DCLK2: variants seen among roughly 807,000 people sequenced by gnomAD.
DCLK2 encodes doublecortin like kinase 2, also known as serine/threonine-protein kinase DCLK2.
DCLK2 carries 31 observed loss-of-function variants against 78.4 expected under a neutral mutation model. That is an observed-to-expected ratio of 0.40 (90% CI 0.30 to 0.53). DCLK2 has a LOEUF of 0.53. DCLK2 is among the 20% of genes least tolerant of loss of function. DCLK2 has a pLI of 0.61. For synonymous variants in DCLK2, 407 were observed against 374.9 expected (o/e 1.09, Z -0.99); for missense variants, 872 against 973.7 (o/e 0.90, Z 1.39).
chr4:150,240,769 GAAAA>G (rs34362156), intron 12 of DCLK2, among the ~76,000 whole-genome samples: 10 of 136,900 alleles, frequency 7.3e-5, no homozygotes, highest in African/African-American at 2.7e-4. Context: ...AAAAGAAAAA[GAAAA>G]AAAAAAATCA....
At chr4:150,085,421 G>A (rs774619840) in intron 1 of DCLK2, among the ~76,000 whole-genome samples, 5 of 152,110 alleles carry the variant, frequency 3.3e-5, no homozygotes, top group Admixed American at 6.5e-5. Context: ...GAAAGCAAAC[G>A]TAGGATATAT....
At position 150,256,934 on chromosome 4, in the gene DCLK2, C is replaced by T. The variant is rs1744610176; in HGVS notation, c.*687C>T. On this transcript the variant is annotated 3_prime_UTR_variant, in exon 16 of 16. Coordinates refer to ENST00000296550, the MANE Select transcript of DCLK2 (RefSeq NM_001040260.4). ...ACAATGCTCAGTATTCATTCATACACAGACGATGGAAGAAGCCACTTCTTC... is the reference window on the plus strand; with the variant it reads ...ACAATGCTCAGTATTCATTCATACATAGACGATGGAAGAAGCCACTTCTTC... The T allele has an allele frequency of 1.3e-5, 2 of 152,276 alleles. No individual in the cohort carries two copies. 9.4% of individuals were successfully genotyped at this position (152,276 alleles called of 1,614,324 possible). A position where few individuals can be genotyped will look rare whatever the true frequency, so the allele number is the denominator to read the frequency against.
chr4:150,083,103 G>A (rs1580464671), intron 1 of DCLK2, among the ~76,000 whole-genome samples: 1 of 152,132 alleles, frequency 6.6e-6, no homozygotes, highest in Admixed American at 6.5e-5. Context: ...TATCTGAGGG[G>A]TTATTGTTGG....
intron 1 of DCLK2, among the ~76,000 whole-genome samples, chr4:150,086,938 A>G (rs1036562612): frequency 6.6e-6 from 1 of 152,180 alleles, no homozygotes; most frequent in African/African-American, 2.4e-5. Flanking sequence ...CATCTTTAGC[A>G]TTCTCATTTT....
Position 150,236,138 on chromosome 4 carries a change from C to T in DCLK2, c.1566+3310C>T, listed in dbSNP as rs535182804. Among the ~76,000 whole-genome samples the T allele has an allele frequency of 5.3e-5, 8 of 152,274 alleles. No individual in the cohort carries two copies. The East Asian group carries it at 1.2e-3, about 22-fold the overall frequency. On this transcript the variant is annotated intron_variant, in intron 10 of 15. Transcript: ENST00000296550. ...TTTTGTATGTGGGATCTGCATTCCT[C>T]GCATTTTTTATTTTTGCATTCTGAG...
At chr4:150,228,375 C>T (rs983813440) in intron 8 of DCLK2, among the ~76,000 whole-genome samples, 18 of 152,154 alleles carry the variant, frequency 1.2e-4, no homozygotes, top group South Asian at 6.2e-4. Flanking sequence ...CAGTGTGCTC[C>T]GAGCAACACA....
chr4:150,112,895 C>T (rs1475071605), intron 2 of DCLK2, among the ~76,000 whole-genome samples: 1 of 143,050 alleles, frequency 7.0e-6, no homozygotes, highest in Non-Finnish European at 1.5e-5. Context: ...ACTGCAACCA[C>T]TGCCTCCTGG....
chr4:150,079,040 A>G lies in DCLK2; in HGVS notation c.13A>G (p.Arg5Gly), dbSNP rs1338911711. The change falls in exon 1 of 16, where the codon AGG becomes GGG. Residue 5 changes from arginine to glycine, a missense_variant. Arg to Gly is a moderately radical substitution (Grantham distance 125). Around this residue, in one of 3 missense-constraint regions of DCLK2, gnomAD observed 567 missense variants for 593.4 expected, o/e 0.96. Coordinates refer to ENST00000296550, the MANE Select transcript of DCLK2 (RefSeq NM_001040260.4). MASTRSIELEHFEER... is the reference protein window; with the variant it reads MASTGSIELEHFEER... ...CGGAGCAGCCGCGATGGCCAGCACC[A>G]GGAGTATCGAGCTGGAGCACTTTGA... The G allele has an allele frequency of 7.1e-6, 11 of 1,541,432 alleles. No homozygotes were observed. The African/African-American group carries it at 8.3e-5, about 12-fold the overall frequency.
intron 2 of DCLK2, among the ~76,000 whole-genome samples, chr4:150,163,292 G>C (rs1314286380): frequency 6.6e-6 from 1 of 152,218 alleles, no homozygotes; most frequent in Admixed American, 6.5e-5. Flanking sequence ...CAGCCACTTG[G>C]GGGGCTAAGG....
intron 2 of DCLK2, among the ~76,000 whole-genome samples, chr4:150,186,031 A>G (rs905096547): frequency 6.6e-5 from 10 of 152,182 alleles, no homozygotes; most frequent in African/African-American, 9.7e-5. Context: ...CTTAGCAGAA[A>G]TATTACTTTC....
intron 2 of DCLK2, among the ~76,000 whole-genome samples, chr4:150,143,996 G>C (rs1734284522): frequency 1.3e-5 from 2 of 151,992 alleles, no homozygotes; most frequent in African/African-American, 4.8e-5. Context: ...TAGGTTGGCT[G>C]TTTACTCTGT....
At chr4:150,145,383 T>A (rs1298125362) in intron 2 of DCLK2, among the ~76,000 whole-genome samples, 1 of 152,186 alleles carries the variant, frequency 6.6e-6, no homozygotes, top group Non-Finnish European at 1.5e-5. Context: ...TTTTCTTACA[T>A]GTAAAAGATG....
intron 2 of DCLK2, among the ~76,000 whole-genome samples, chr4:150,135,822 G>A (rs1733647509): frequency 6.6e-6 from 1 of 152,142 alleles, no homozygotes; most frequent in Non-Finnish European, 1.5e-5. Context: ...AAGAAAATGA[G>A]GAAATAGCTG....
At chr4:150,121,955 A>G (rs62338174) in intron 2 of DCLK2, among the ~76,000 whole-genome samples, 35,659 of 152,108 alleles carry the variant, frequency 0.23, 4,565 homozygotes, top group African/African-American at 0.34. Context: ...CAACAGTGGT[A>G]CTTAAAATAT....
intron 1 of DCLK2, 99 bp downstream of exon 1, chr4:150,079,547 G>A: frequency 8.1e-7 from 1 of 1,237,090 alleles, no homozygotes; most frequent in Non-Finnish European, 1.1e-6. Flanking sequence ...TGCTTTCCAA[G>A]CCGCACGGGA....
intron 2 of DCLK2, among the ~76,000 whole-genome samples, chr4:150,148,195 C>T (rs1734618216): frequency 6.6e-6 from 1 of 152,048 alleles, no homozygotes; most frequent in Non-Finnish European, 1.5e-5. Context: ...AAAACCATGT[C>T]TCCACTAAAA....
chr4:150,190,705 T>G (rs1163409947), intron 2 of DCLK2, among the ~76,000 whole-genome samples: 1 of 152,112 alleles, frequency 6.6e-6, no homozygotes, highest in African/African-American at 2.4e-5. Flanking sequence ...ATGAAAATAT[T>G]CAAAGTAAAT....
intron 2 of DCLK2, among the ~76,000 whole-genome samples, chr4:150,110,387 T>C (rs1398675311): frequency 6.6e-6 from 1 of 152,192 alleles, no homozygotes; most frequent in Non-Finnish European, 1.5e-5. Flanking sequence ...TATTTGACAA[T>C]GTGTAGAGTA....
At chr4:150,090,298 C>T (rs887396677) in intron 1 of DCLK2, among the ~76,000 whole-genome samples, 1 of 152,124 alleles carries the variant, frequency 6.6e-6, no homozygotes, top group Admixed American at 6.6e-5. Context: ...CCCAGCTACT[C>T]GGGAGGCTGA....
Sources: gnomAD v4.1 joint callset for allele counts (sites outside exome capture counted in the v4.1 genomes callset) on GRCh38, gnomAD v4.1.1 for gene constraint, gnomAD v4.1.1 regional missense constraint, MANE v1.5 for transcripts, NCBI Gene and HGNC (gene_info 2026-07-23, HGNC 2026-07-21) for gene names.